The following SLC14A2 variants were observed in gnomAD, a reference collection of about 807,000 sequenced individuals.
SLC14A2 encodes solute carrier family 14 member 2.
SLC14A2 carries 91 observed loss-of-function variants against 104.6 expected under a neutral mutation model. That is an observed-to-expected ratio of 0.87 (90% CI 0.73 to 1.04). The LOEUF (loss-of-function observed/expected upper bound fraction) is 1.04. Among genes scored for constraint, SLC14A2 ranks in the 50% least tolerant of loss-of-function variants. The pLI is 0.00. For missense variants in SLC14A2, 1,189 were observed against 1,156.0 expected (o/e 1.03, Z -0.41); for synonymous variants, 476 against 466.4 (o/e 1.02, Z -0.27).
intron 10 of SLC14A2, among the ~76,000 whole-genome samples, chr18:45,659,343 T>C (rs1229665424): frequency 1.3e-5 from 2 of 152,242 alleles, no homozygotes; most frequent in African/African-American, 4.8e-5. Context: ...AAGGCAATTA[T>C]TGAGTGCTTA....
chr18:45,208,590 G>A (rs2083934708), upstream of SLC14A2, among the ~76,000 whole-genome samples: 2 of 152,194 alleles, frequency 1.3e-5, no homozygotes, highest in Admixed American at 6.5e-5. Context: ...CCCTGGCTAG[G>A]GATCAGAGTA....
At chr18:45,437,642 C>T (rs577344439) in intron 1 of SLC14A2, among the ~76,000 whole-genome samples, 3 of 152,296 alleles carry the variant, frequency 2.0e-5, no homozygotes, top group South Asian at 2.1e-4. Flanking sequence ...GCCCTCCAGC[C>T]GCACCAGCAG....
At chr18:45,278,619 G>A (rs754032882) in intron 1 of SLC14A2, among the ~76,000 whole-genome samples, 1 of 152,100 alleles carries the variant, frequency 6.6e-6, no homozygotes, top group Non-Finnish European at 1.5e-5. Flanking sequence ...ATACAAAGGG[G>A]ACTGGTTCCA....
At chr18:45,240,091 C>CTTTTTTTTTTTTTTTTTTTTTTTTTTT (rs763802776) in intron 1 of SLC14A2, among the ~76,000 whole-genome samples, 2 of 89,638 alleles carry the variant, frequency 2.2e-5, no homozygotes, top group Non-Finnish European at 4.1e-5. Context: ...GCAAATATCT[C>CTTTTTTTTTTTTTTTTTTTTTTTTTTT]TTTTTTTTTT....
intron 1 of SLC14A2, among the ~76,000 whole-genome samples, chr18:45,482,251 G>A (rs2087508261): frequency 1.3e-5 from 2 of 152,262 alleles, no homozygotes; most frequent in South Asian, 4.1e-4. Flanking sequence ...TAACCAAAAT[G>A]TGCAGCAACA....
chr18:45,412,607 C>T (rs1187931899), intron 1 of SLC14A2, among the ~76,000 whole-genome samples: 1 of 152,174 alleles, frequency 6.6e-6, no homozygotes, highest in Non-Finnish European at 1.5e-5. Flanking sequence ...GCCATGAGGA[C>T]CCCTTCTCTC....
chr18:45,394,155 A>G (rs187232457), intron 1 of SLC14A2, among the ~76,000 whole-genome samples: 88 of 152,328 alleles, frequency 5.8e-4, no homozygotes, highest in African/African-American at 2.0e-3. Flanking sequence ...CAAGTATTAC[A>G]TGGGACCAAT....
At chr18:45,326,608 G>T (rs1166578480) in intron 1 of SLC14A2, among the ~76,000 whole-genome samples, 1 of 152,150 alleles carries the variant, frequency 6.6e-6, no homozygotes, top group Admixed American at 6.6e-5. Context: ...ACTATGTAGA[G>T]GTAAGGTCCT....
the SLC14A2 span, among the ~76,000 whole-genome samples, chr18:45,196,931 A>C: frequency 6.6e-6 from 1 of 152,248 alleles, no homozygotes; most frequent in Non-Finnish European, 1.5e-5. Context: ...CTACAAAAGG[A>C]GTTTAGCAGC....
At chr18:45,279,315 G>T (rs1367300998) in intron 1 of SLC14A2, among the ~76,000 whole-genome samples, 2 of 152,202 alleles carry the variant, frequency 1.3e-5, no homozygotes, top group Non-Finnish European at 2.9e-5. Flanking sequence ...AAGCATTTCT[G>T]ATGAATTTAC....
intron 10 of SLC14A2, among the ~76,000 whole-genome samples, chr18:45,645,942 C>T (rs140879800): frequency 1.3e-3 from 193 of 152,162 alleles, no homozygotes; most frequent in Non-Finnish European, 1.9e-3. Context: ...AAGTCCCTTG[C>T]GACATAGCAA....
At chr18:45,363,295 C>T (rs983367073) in intron 1 of SLC14A2, among the ~76,000 whole-genome samples, 1 of 152,046 alleles carries the variant, frequency 6.6e-6, no homozygotes, top group Non-Finnish European at 1.5e-5. Context: ...TTCAGGCCTT[C>T]TTTCAATATG....
intron 10 of SLC14A2, among the ~76,000 whole-genome samples, chr18:45,649,202 T>C (rs970996460): frequency 7.8e-6 from 1 of 128,852 alleles, no homozygotes; most frequent in Non-Finnish European, 1.7e-5. Flanking sequence ...CAAAAAGGCA[T>C]ATTTGTCTCT....
intron 3 of SLC14A2, among the ~76,000 whole-genome samples, chr18:45,626,584 AAT>A (rs928434284): frequency 1.5e-4 from 23 of 152,080 alleles, no homozygotes; most frequent in African/African-American, 5.6e-4. Context: ...CAGAAAAAAG[AAT>A]TTCCTGCCCC....
At chr18:45,468,947 C>T (rs988861882) in intron 1 of SLC14A2, among the ~76,000 whole-genome samples, 5 of 152,182 alleles carry the variant, frequency 3.3e-5, no homozygotes, top group African/African-American at 1.2e-4. Context: ...CAGTAAAGTG[C>T]AACTCACAGC....
chr18:45,672,873 G>T (rs369287737), intron 16 of SLC14A2, 27 bp from the exon 17 acceptor site: 2 of 1,601,138 alleles, frequency 1.2e-6, no homozygotes, highest in Non-Finnish European at 1.7e-6. Context: ...CCTCCATAAT[G>T]AGCATGTAAT....
At chr18:45,490,283 A>G (rs1347323063) in intron 2 of SLC14A2, among the ~76,000 whole-genome samples, 8 of 152,214 alleles carry the variant, frequency 5.3e-5, no homozygotes, top group Admixed American at 5.2e-4. Flanking sequence ...AATAAACTAG[A>G]AAGTCTAGAA....
intron 1 of SLC14A2, among the ~76,000 whole-genome samples, chr18:45,341,390 G>A (rs1428721156): frequency 1.3e-5 from 2 of 152,126 alleles, no homozygotes; most frequent in Non-Finnish European, 2.9e-5. Flanking sequence ...ACAGAGTGGT[G>A]AAAAATTACG....
chr18:45,584,219 G>T (rs1045795046), intron 2 of SLC14A2, among the ~76,000 whole-genome samples: 4 of 152,138 alleles, frequency 2.6e-5, no homozygotes, highest in African/African-American at 9.7e-5. Context: ...GATACAGGGT[G>T]ATTTTTCAGA....
Sources: gnomAD v4.1 joint callset for allele counts (sites outside exome capture counted in the v4.1 genomes callset) on GRCh38, gnomAD v4.1.1 for gene constraint, MANE v1.5 for transcripts, NCBI Gene and HGNC (gene_info 2026-07-23, HGNC 2026-07-21) for gene names.